The following XRCC4 variants were observed in gnomAD, a reference collection of about 807,000 sequenced individuals.
XRCC4 encodes the protein DNA repair protein XRCC4.
XRCC4 carries 28 observed loss-of-function variants against 39.1 expected under a neutral mutation model. That is an observed-to-expected ratio of 0.72 (90% CI 0.53 to 0.98). XRCC4 has a LOEUF of 0.98. Among genes scored for constraint, XRCC4 ranks in the 50% least tolerant of loss-of-function variants. The pLI is 0.00. For missense variants in XRCC4, 350 were observed against 376.4 expected (o/e 0.93, Z 0.58); for synonymous variants, 123 against 126.4 (o/e 0.97, Z 0.18).
chr5:83,230,112 T>C (rs965498376), intron 6 of XRCC4, among the ~76,000 whole-genome samples: 3 of 151,982 alleles, frequency 2.0e-5, no homozygotes, highest in Admixed American at 6.6e-5. Context: ...CATGTTTGAT[T>C]TGGAAGTGCA....
intron 6 of XRCC4, among the ~76,000 whole-genome samples, chr5:83,238,452 G>T (rs935954051): frequency 3.3e-5 from 5 of 152,142 alleles, no homozygotes; most frequent in African/African-American, 1.2e-4. Flanking sequence ...GGATGACGCT[G>T]CTGTATTCTA....
At chr5:83,293,128 C>G (rs1754978588) in intron 7 of XRCC4, among the ~76,000 whole-genome samples, 1 of 151,866 alleles carries the variant, frequency 6.6e-6, no homozygotes, top group Non-Finnish European at 1.5e-5. Context: ...TGGTTTTATT[C>G]CCAGGCCACC....
At chr5:83,156,633 G>A (rs537689384) in intron 3 of XRCC4, among the ~76,000 whole-genome samples, 2 of 152,144 alleles carry the variant, frequency 1.3e-5, no homozygotes, top group East Asian at 3.9e-4. Flanking sequence ...CAGCATAAAT[G>A]GAGAATATCT....
intron 7 of XRCC4, among the ~76,000 whole-genome samples, chr5:83,289,584 G>A (rs1754846325): frequency 6.6e-6 from 1 of 151,786 alleles, no homozygotes; most frequent in Admixed American, 6.6e-5. Context: ...TTATAATACT[G>A]GAGTCCTGTT....
chr5:83,300,192 C>T (rs1170740767), intron 7 of XRCC4, among the ~76,000 whole-genome samples: 1 of 152,146 alleles, frequency 6.6e-6, no homozygotes, highest in East Asian at 1.9e-4. Context: ...TAGTGTCCCA[C>T]CTTTATAGAT....
chr5:83,349,420 A>G (rs1561487230), intron 7 of XRCC4, among the ~76,000 whole-genome samples: 1 of 152,192 alleles, frequency 6.6e-6, no homozygotes, highest in Non-Finnish European at 1.5e-5. Context: ...CTTTTTTAAG[A>G]GTTGTGGAGA....
At chr5:83,201,850 T>A (rs1348781869) in intron 4 of XRCC4, 1 of 152,180 alleles carries the variant, frequency 6.6e-6, no homozygotes, top group East Asian at 1.9e-4. Flanking sequence ...GAGACCAGTC[T>A]GACCAACATG....
intron 7 of XRCC4, among the ~76,000 whole-genome samples, chr5:83,291,467 G>T (rs1561457720): frequency 6.6e-6 from 1 of 151,590 alleles, no homozygotes; most frequent in Admixed American, 6.6e-5. Context: ...GGATAAGAAA[G>T]AACAATGAAA....
intron 3 of XRCC4, among the ~76,000 whole-genome samples, chr5:83,186,409 A>G (rs1256023967): frequency 6.6e-6 from 1 of 152,170 alleles, no homozygotes. Context: ...AGAGGCTTTC[A>G]GCATTCCTAA....
the XRCC4 span, among the ~76,000 whole-genome samples, chr5:83,374,002 C>T: frequency 2.0e-5 from 3 of 152,160 alleles, no homozygotes; most frequent in African/African-American, 4.8e-5. Flanking sequence ...ACAAAGTTTG[C>T]GAGGACCTGC....
At chr5:83,122,218 T>C (rs1202457169) in intron 3 of XRCC4, among the ~76,000 whole-genome samples, 2 of 152,220 alleles carry the variant, frequency 1.3e-5, no homozygotes, top group African/African-American at 2.4e-5. Flanking sequence ...CAAACAAGTC[T>C]GCTGGAATCT....
At chr5:83,189,844 C>A (rs530844715) in intron 3 of XRCC4, among the ~76,000 whole-genome samples, 9 of 152,206 alleles carry the variant, frequency 5.9e-5, no homozygotes, top group African/African-American at 1.9e-4. Flanking sequence ...GCAGGCATAT[C>A]AATTTAGGTC....
chr5:83,285,539 G>T (rs1754703147), intron 7 of XRCC4, among the ~76,000 whole-genome samples: 1 of 152,062 alleles, frequency 6.6e-6, no homozygotes, highest in Non-Finnish European at 1.5e-5. Context: ...GAATCCCTAT[G>T]TAATTATTTT....
intron 7 of XRCC4, among the ~76,000 whole-genome samples, chr5:83,273,030 T>G (rs113086551): frequency 0.05 from 7,540 of 152,228 alleles, 258 homozygotes; most frequent in South Asian, 0.16. Context: ...TGAACTAATT[T>G]ACACTCCCAC....
intron 3 of XRCC4, among the ~76,000 whole-genome samples, chr5:83,183,015 A>G (rs1052079553): frequency 6.6e-6 from 1 of 152,200 alleles, no homozygotes; most frequent in Non-Finnish European, 1.5e-5. Flanking sequence ...TTGTCACACT[A>G]ATGGAACATA....
intron 7 of XRCC4, among the ~76,000 whole-genome samples, chr5:83,292,825 T>C (rs1754965907): frequency 6.6e-6 from 1 of 151,894 alleles, no homozygotes; most frequent in Admixed American, 6.6e-5. Context: ...GCATTTTTCT[T>C]ATTTATTTTC....
chr5:83,087,339 A>G (rs6884981), intron 1 of XRCC4, among the ~76,000 whole-genome samples: 73,965 of 151,500 alleles, frequency 0.49, 18,830 homozygotes, highest in African/African-American at 0.62. Context: ...AAATAAAAAG[A>G]CATTTCTAAA....
At chr5:83,276,767 A>G (rs1400925883) in intron 7 of XRCC4, among the ~76,000 whole-genome samples, 2 of 151,180 alleles carry the variant, frequency 1.3e-5, no homozygotes, top group African/African-American at 4.9e-5. Context: ...TCTTGTTATA[A>G]TTTGTTGCTT....
intron 3 of XRCC4, among the ~76,000 whole-genome samples, chr5:83,184,190 A>T (rs28360118): frequency 0.037 from 5,564 of 152,160 alleles, 153 homozygotes; most frequent in Middle Eastern, 0.12. Context: ...AACATACTAA[A>T]ATTTGATATT....
Sources: gnomAD v4.1 joint callset for allele counts (sites outside exome capture counted in the v4.1 genomes callset) on GRCh38, gnomAD v4.1.1 for gene constraint, MANE v1.5 for transcripts, NCBI Gene and HGNC (gene_info 2026-07-23, HGNC 2026-07-21) for gene names.